Variants in LTBR observed in about 807,000 individuals in gnomAD.
LTBR encodes the protein tumor necrosis factor receptor superfamily member 3.
In LTBR, 15 loss-of-function variants were observed where a neutral mutation model predicts 45.4. The ratio of observed to expected loss-of-function variants is 0.33; its 90% CI spans 0.22 to 0.51. The LOEUF (loss-of-function observed/expected upper bound fraction) is 0.51. Ranked by LOEUF, LTBR falls within the 20% of genes least tolerant of loss-of-function variation. The probability of loss-of-function intolerance (pLI) is 0.97; values close to 1 mark genes in which losing one functional copy is unlikely to be tolerated. For synonymous variants in LTBR, 228 were observed against 231.0 expected, an observed-to-expected ratio of 0.99 and a Z score of 0.12; for missense variants, 450 against 565.5, an observed-to-expected ratio of 0.80 and a Z score of 2.07.
upstream of LTBR, chr12:6,384,040 C>CG: frequency 8.4e-7 from 1 of 1,194,050 alleles, no homozygotes; most frequent in Non-Finnish European, 1.0e-6. Flanking sequence ...CGTGCTTTCC[C>CG]GGCCGCCCCT....
intron 9 of LTBR, 50 bp downstream of exon 9, chr12:6,390,390 C>T (rs1248032706): frequency 6.8e-7 from 1 of 1,471,316 alleles, no homozygotes; most frequent in Admixed American, 2.0e-5. Flanking sequence ...GGAGGGATGG[C>T]TGGCAGGGAG....
At chr12:6,380,793 T>A (rs889357870), upstream of LTBR, among the ~76,000 whole-genome samples, 8 of 151,856 alleles carry the variant, frequency 5.3e-5, no homozygotes, top group African/African-American at 1.7e-4. Flanking sequence ...TCTCAGCAGC[T>A]CCTTCGGAAG....
Position 6,388,194 on chromosome 12 carries a change from C to G in LTBR, c.668-204C>G. On this transcript the variant is annotated intron_variant, in intron 6 of 9. Transcript: ENST00000228918. This position sits in a 1 kb window ranked among gnomAD's most constrained non-coding sequence, Gnocchi z 4.3. ...TCTCTCCTGGCTGCCAAGAGGTCCTCAAGTCCAACTTAGTTCCCCTTCTCT... is the reference window on the plus strand; with the variant it reads ...TCTCTCCTGGCTGCCAAGAGGTCCTGAAGTCCAACTTAGTTCCCCTTCTCT... 1.8e-6 allele frequency: 1 copy of G among 552,568 alleles called. No individual in the cohort carries two copies. The highest frequency in any genetic ancestry group is 3.3e-6 in the Non-Finnish European group (1 of 306,692). 34.2% of individuals were successfully genotyped at this position (552,568 alleles called of 1,614,324 possible).
intron 1 of LTBR, 62 bp downstream of exon 1, chr12:6,384,516 C>T (rs1439360967): frequency 2.5e-6 from 4 of 1,602,358 alleles, no homozygotes; most frequent in Non-Finnish European, 3.4e-6. Context: ...GCAGCCGTCG[C>T]TCCATTCCCT....
chr12:6,384,249 C>A lies in LTBR; in HGVS notation c.-110C>A, dbSNP rs1282525338. On this transcript the variant is annotated 5_prime_UTR_variant, in exon 1 of 10. Coordinates refer to ENST00000228918, the MANE Select transcript of LTBR (RefSeq NM_002342.3). The stretch of plus-strand genomic sequence containing the variant: ...TGGGGTGCACATCGGCCCTGAGTCC[C>A]GTCCCAGGCTCTGGGCTCGGGCAGC... 3 of 1,404,276 alleles carry A rather than the reference C, an allele frequency of 2.1e-6. No individual in the cohort carries two copies. Among genetic ancestry groups the A allele is most frequent in the East Asian group, 2.7e-5 (1 of 36,974 alleles). The allele number at this position is 1,404,276 out of a possible 1,614,324, so 87.0% of individuals were successfully genotyped here.
At chr12:6,385,764 G>A (rs1036943553) in intron 4 of LTBR, 95 of 265,548 alleles carry the variant, frequency 3.6e-4, no homozygotes, top group Non-Finnish European at 5.6e-4. Context: ...AAATTAGCCG[G>A]GCGTGGTGGT....
intron 1 of LTBR, chr12:6,376,065 A>G: frequency 1.0e-6 from 1 of 991,178 alleles, no homozygotes; most frequent in Non-Finnish European, 1.2e-6. Context: ...TGCTTCCAGG[A>G]GCTAGAGGCT....
At chr12:6,378,554 T>G (rs1948943632) in intron 1 of LTBR, among the ~76,000 whole-genome samples, 1 of 117,478 alleles carries the variant, frequency 8.5e-6, no homozygotes. Flanking sequence ...AAGGGGTGGG[T>G]AAGGCAACCC....
upstream of LTBR, among the ~76,000 whole-genome samples, chr12:6,381,559 T>C (rs1948985058): frequency 6.6e-6 from 1 of 152,196 alleles, no homozygotes; most frequent in Admixed American, 6.5e-5. Context: ...AGCTTACGGC[T>C]GGCAGCAGAA....
chr12:6,389,014 T>A, intron 8 of LTBR, 189 bp downstream of exon 8: 1 of 606,370 alleles, frequency 1.6e-6, no homozygotes, highest in Non-Finnish European at 2.9e-6. Context: ...CAAAACACAG[T>A]ACCTCATTTC....
chr12:6,389,455 C>G (rs944215230), intron 8 of LTBR: 1 of 156,598 alleles, frequency 6.4e-6, no homozygotes, highest in African/African-American at 2.4e-5. Context: ...CGCCCAAGCT[C>G]CCATCCTGCA....
chr12:6,381,968 T>C (rs187875654), upstream of LTBR, among the ~76,000 whole-genome samples: 158 of 152,098 alleles, frequency 1.0e-3, no homozygotes, highest in African/African-American at 3.6e-3. Flanking sequence ...CGAGACTCTG[T>C]ATGGAAAGGA....
At chr12:6,390,487 G>A in intron 9 of LTBR, 147 bp downstream of exon 9, 2 of 983,262 alleles carry the variant, frequency 2.0e-6, no homozygotes, top group Admixed American at 2.5e-5. Flanking sequence ...AGAGAAGAGG[G>A]AAGAGACTGG....
upstream of LTBR, among the ~76,000 whole-genome samples, chr12:6,382,890 G>T (rs1948998083): frequency 1.3e-5 from 2 of 152,320 alleles, no homozygotes; most frequent in South Asian, 4.1e-4. Context: ...CAAGGAGTTG[G>T]CAGGACTGCT....
At chr12:6,389,134 G>A (rs1949081874) in intron 8 of LTBR, 1 of 318,818 alleles carries the variant, frequency 3.1e-6, no homozygotes, top group Non-Finnish European at 6.0e-6. Flanking sequence ...CAAAGGATGG[G>A]GGTATTTTAG....
In LTBR at chr12:6,385,159, T is replaced by A. The variant is rs1449221382; in HGVS notation, c.319+12T>A. On this transcript the variant is annotated intron_variant, in intron 3 of 9. Transcript: ENST00000228918. Reference sequence around the variant, plus strand: ...CCCCTGTGACCCAGGTGAGTGGGGATGTGCCTGCGGGGGGGCTGGATCCCC... The same window carrying A: ...CCCCTGTGACCCAGGTGAGTGGGGAAGTGCCTGCGGGGGGGCTGGATCCCC... 2 of 1,614,072 alleles carry A rather than the reference T, an allele frequency of 1.2e-6. No homozygotes were observed. The highest frequency in any genetic ancestry group is 1.3e-5 in the African/African-American group (1 of 74,930).
At position 6,386,203 on chromosome 12, in the gene LTBR, A is replaced by G. The variant is rs1223849423; in HGVS notation, c.569+41A>G. ...CCCAAGCTCCTTCCACCCTCTGAGA[A>G]GCCTCAGCTGCTAACAACCCCCAGC... On this transcript the variant is annotated intron_variant, in intron 5 of 9. Transcript: ENST00000228918. The surrounding 1 kb of genome is among the most constrained non-coding windows in gnomAD (Gnocchi z 4.1). The G allele has an allele frequency of 6.4e-7, 1 of 1,562,408 alleles. No individual in the cohort carries two copies. Among genetic ancestry groups the G allele is most frequent in the Non-Finnish European group, 8.8e-7 (1 of 1,134,008 alleles).
At chr12:6,381,944 C>G (rs1393187041), upstream of LTBR, among the ~76,000 whole-genome samples, 1 of 152,210 alleles carries the variant, frequency 6.6e-6, no homozygotes. Flanking sequence ...TGCACTCCAG[C>G]CTGGGCGACA....
At position 6,385,103 on chromosome 12, in the gene LTBR, G is replaced by A; in HGVS notation, c.275G>A (p.Trp92Ter). 3 of 1,614,208 alleles carry A rather than the reference G, an allele frequency of 1.9e-6. No homozygotes were observed. Among genetic ancestry groups the A allele is most frequent in the Admixed American group, 1.7e-5 (1 of 60,020 alleles). The change falls in exon 3 of 10, where the codon TGG (tryptophan) becomes TAG (stop). Residue 92 changes from tryptophan (W) to a stop codon, truncating the protein, a stop_gained. Coordinates refer to ENST00000228918, the MANE Select transcript of LTBR (RefSeq NM_002342.3). LOFTEE classifies it high-confidence loss of function. Reference sequence around the variant, plus strand: ...GCCGAGAATTCCTACAACGAGCACTGGAACTACCTGACCATCTGCCAGCTG... The same window carrying A: ...GCCGAGAATTCCTACAACGAGCACTAGAACTACCTGACCATCTGCCAGCTG... The part of the protein sequence containing the change: ...TCAENSYNEH[W>*]NYLTICQLCR...
Sources: gnomAD v4.1 joint callset for allele counts (sites outside exome capture counted in the v4.1 genomes callset) on GRCh38, gnomAD v4.1.1 for gene constraint, Gnocchi (gnomAD v3.1) non-coding constraint, MANE v1.5 for transcripts, NCBI Gene and HGNC (gene_info 2026-07-23, HGNC 2026-07-21) for gene names.